The following SMAD1 variants were observed in gnomAD, a reference collection of about 807,000 sequenced individuals.
SMAD1 encodes SMAD family member 1.
Under a neutral mutation model 41.6 loss-of-function variants are expected in SMAD1, and 6 were observed. That is an observed-to-expected ratio of 0.14 (90% CI 0.08 to 0.28). SMAD1 has a LOEUF of 0.28. Among genes scored for constraint, SMAD1 ranks in the 10% least tolerant of loss-of-function variants. SMAD1 has a pLI of 1.00. For synonymous variants in SMAD1, 206 were observed against 203.2 expected (o/e 1.01, Z -0.12); for missense variants, 379 against 582.6 (o/e 0.65, Z 3.60).
At chr4:145,550,893 C>T (rs971371610) in intron 5 of SMAD1, among the ~76,000 whole-genome samples, 4 of 152,102 alleles carry the variant, frequency 2.6e-5, no homozygotes, top group African/African-American at 9.7e-5. Flanking sequence ...AATAAATAGG[C>T]AGTCTGTGTT....
chr4:145,535,401 A>G (rs1228532452), intron 2 of SMAD1, among the ~76,000 whole-genome samples: 1 of 152,176 alleles, frequency 6.6e-6, no homozygotes, highest in Non-Finnish European at 1.5e-5. Flanking sequence ...GCAGTATTAC[A>G]TTTTCTGGTA....
Position 145,537,922 on chromosome 4 carries a change from A to G in SMAD1, c.401-1882A>G, listed in dbSNP as rs192763508. 1.5e-4 allele frequency among the ~76,000 whole-genome samples: 23 copies of G among 152,268 alleles called. No homozygotes were observed. In the East Asian group the frequency reaches 4.4e-3, roughly 29 times the overall value. ...GCAGTTTTTGCCATTAAATGCAAAA[A>G]CTGAAATTATTTTTGCACCAACCTT... On this transcript the variant is annotated intron_variant, in intron 2 of 6. Transcript: ENST00000302085.
intron 1 of SMAD1, among the ~76,000 whole-genome samples, chr4:145,511,032 G>T (rs1730047321): frequency 6.6e-6 from 1 of 151,988 alleles, no homozygotes; most frequent in Non-Finnish European, 1.5e-5. Context: ...AGCTTTTTGG[G>T]TGGAATATGC....
At chr4:145,489,618 G>A (rs1317679031) in intron 1 of SMAD1, among the ~76,000 whole-genome samples, 1 of 152,190 alleles carries the variant, frequency 6.6e-6, no homozygotes, top group Non-Finnish European at 1.5e-5. Context: ...TAAGAATAGG[G>A]AAGAGCTGGT....
chr4:145,528,927 A>G (rs1343440012), intron 2 of SMAD1, among the ~76,000 whole-genome samples: 1 of 152,120 alleles, frequency 6.6e-6, no homozygotes, highest in Non-Finnish European at 1.5e-5. Context: ...CTCATTTTCC[A>G]CTTTTATAAA....
intron 2 of SMAD1, 101 bp downstream of exon 2, chr4:145,515,114 T>C: frequency 1.7e-6 from 2 of 1,194,058 alleles, no homozygotes; most frequent in Non-Finnish European, 2.4e-6. Context: ...TTAGTTGTAA[T>C]TTAAAAATAT....
intron 1 of SMAD1, among the ~76,000 whole-genome samples, chr4:145,504,365 A>G (rs541727348): frequency 6.6e-6 from 1 of 152,318 alleles, no homozygotes; most frequent in South Asian, 2.1e-4. Context: ...TTTTATATTC[A>G]TTGTAATGGC....
chr4:145,493,964 T>C (rs559375887), intron 1 of SMAD1, among the ~76,000 whole-genome samples: 1 of 152,258 alleles, frequency 6.6e-6, no homozygotes, highest in African/African-American at 2.4e-5. Flanking sequence ...TTATTCTGTA[T>C]TTATTAATTT....
Position 145,546,790 on chromosome 4 carries a change from A to T in SMAD1, c.863A>T (p.His288Leu). Reference protein sequence around the residue: ...ELNNRVGEAFHASSTSVLVDG... With the variant: ...ELNNRVGEAFLASSTSVLVDG... ...AACAATCGTGTGGGTGAAGCGTTCC[A>T]TGCCTCCTCCACAAGTGTGTTGGTG... Residue 288 changes from histidine (H) to leucine (L), a missense_variant, in exon 5 of 7, where the codon CAT becomes CTT. This residue lies in a region of SMAD1 where 208 missense variants were observed against 210.5 expected (regional missense o/e 0.99). Coordinates refer to ENST00000302085, the MANE Select transcript of SMAD1 (RefSeq NM_005900.3). 6.2e-7 allele frequency: 1 copy of T among 1,614,082 alleles called. No individual in the cohort carries two copies. Among genetic ancestry groups the T allele is most frequent in the African/African-American group, 1.3e-5 (1 of 75,038 alleles).
intron 2 of SMAD1, chr4:145,517,118 CTTG>C (rs998188238): frequency 1.3e-4 from 20 of 152,364 alleles, no homozygotes; most frequent in South Asian, 2.1e-4. Context: ...ACATGATCCT[CTTG>C]TTGTCCTACT....
intron 2 of SMAD1, among the ~76,000 whole-genome samples, chr4:145,536,104 G>A (rs1731597928): frequency 6.6e-6 from 1 of 151,948 alleles, no homozygotes; most frequent in Non-Finnish European, 1.5e-5. Context: ...ATATTTTGAT[G>A]TTGGTAGCCA....
chr4:145,506,876 A>G (rs893511290), intron 1 of SMAD1, among the ~76,000 whole-genome samples: 2 of 152,184 alleles, frequency 1.3e-5, no homozygotes, highest in African/African-American at 2.4e-5. Context: ...AGCAAGTTAC[A>G]TAGCAGTTAA....
At chr4:145,516,688 C>T (rs543216336) in intron 2 of SMAD1, among the ~76,000 whole-genome samples, 1 of 152,232 alleles carries the variant, frequency 6.6e-6, no homozygotes, top group Non-Finnish European at 1.5e-5. Context: ...AAACTCAGCA[C>T]AGAGGTACAT....
chr4:145,513,913 G>C (rs977171093), intron 1 of SMAD1, among the ~76,000 whole-genome samples: 7 of 152,184 alleles, frequency 4.6e-5, no homozygotes, highest in African/African-American at 1.2e-4. Context: ...GGCAGCAATT[G>C]TATTACCTAA....
At chr4:145,543,369 A>T (rs1238709276) in intron 4 of SMAD1, among the ~76,000 whole-genome samples, 1 of 152,212 alleles carries the variant, frequency 6.6e-6, no homozygotes, top group Non-Finnish European at 1.5e-5. Flanking sequence ...GGAAGTTGGT[A>T]TAACTGGGCT....
chr4:145,517,593 G>A (rs1211583188), intron 2 of SMAD1, among the ~76,000 whole-genome samples: 4 of 152,126 alleles, frequency 2.6e-5, no homozygotes, highest in Admixed American at 6.5e-5. Flanking sequence ...TTAGCAACAA[G>A]CATAATTTGA....
At chr4:145,487,245 C>G (rs972188279) in intron 1 of SMAD1, among the ~76,000 whole-genome samples, 1 of 152,094 alleles carries the variant, frequency 6.6e-6, no homozygotes, top group African/African-American at 2.4e-5. Flanking sequence ...CTCTCGAAAA[C>G]AAATCACATT....
At chr4:145,518,895 T>C (rs2126433060) in intron 2 of SMAD1, among the ~76,000 whole-genome samples, 3 of 125,922 alleles carry the variant, frequency 2.4e-5, no homozygotes, top group Middle Eastern at 7.3e-3. Flanking sequence ...TATTTTTAAA[T>C]TGACAAATAA....
intron 1 of SMAD1, among the ~76,000 whole-genome samples, chr4:145,495,721 T>C (rs1578742508): frequency 6.7e-6 from 1 of 149,894 alleles, no homozygotes; most frequent in African/African-American, 2.5e-5. Flanking sequence ...GCCTAAGTGA[T>C]CCTCCTGCCT....
Sources: gnomAD v4.1 joint callset for allele counts (sites outside exome capture counted in the v4.1 genomes callset) on GRCh38, gnomAD v4.1.1 for gene constraint, gnomAD v4.1.1 regional missense constraint, MANE v1.5 for transcripts, NCBI Gene and HGNC (gene_info 2026-07-23, HGNC 2026-07-21) for gene names.